PRKCA: variants seen among roughly 807,000 people sequenced by gnomAD.
PRKCA encodes the protein protein kinase C alpha type.
A neutral mutation model predicts 87.0 loss-of-function variants in PRKCA; 27 were observed. The ratio of observed to expected loss-of-function variants is 0.31; its 90% confidence interval spans 0.23 to 0.43. The LOEUF is 0.43. Among genes scored for constraint, PRKCA ranks in the 20% least tolerant of loss-of-function variants. PRKCA has a pLI of 1.00. For missense variants in PRKCA, 518 were observed against 852.3 expected, an observed-to-expected ratio of 0.61 and a Z score of 4.88; for synonymous variants, 329 against 311.1, an observed-to-expected ratio of 1.06 and a Z score of -0.61.
intron 3 of PRKCA, among the ~76,000 whole-genome samples, chr17:66,543,049 G>A (rs947980929): frequency 2.0e-5 from 3 of 152,172 alleles, no homozygotes; most frequent in African/African-American, 7.2e-5. Context: ...AATTTCCAAA[G>A]CTATGCACTT....
intron 13 of PRKCA, among the ~76,000 whole-genome samples, chr17:66,753,824 A>G (rs1974488415): frequency 6.6e-6 from 1 of 152,148 alleles, no homozygotes; most frequent in African/African-American, 2.4e-5. Context: ...GGCAGCCAGC[A>G]CGGCACCAAG....
chr17:66,710,758 G>A (rs937295223), intron 8 of PRKCA, among the ~76,000 whole-genome samples: 4 of 151,930 alleles, frequency 2.6e-5, no homozygotes, highest in Admixed American at 2.0e-4. Context: ...TGCTGGGCAC[G>A]GTGGCTCACA....
At chr17:66,486,198 TTTG>T (rs1408860704) in intron 2 of PRKCA, among the ~76,000 whole-genome samples, 9 of 152,240 alleles carry the variant, frequency 5.9e-5, no homozygotes, top group African/African-American at 9.6e-5. Context: ...CTTTAAGAGT[TTTG>T]TTGTTGTTGT....
chr17:66,801,569 A>G (rs985169575), intron 16 of PRKCA, among the ~76,000 whole-genome samples: 2 of 152,128 alleles, frequency 1.3e-5, no homozygotes, highest in Non-Finnish European at 2.9e-5. Context: ...GCCCTTATTT[A>G]TTTTTCAAAG....
intron 2 of PRKCA, among the ~76,000 whole-genome samples, chr17:66,450,629 G>A (rs1914259534): frequency 6.6e-6 from 1 of 152,264 alleles, no homozygotes; most frequent in South Asian, 2.1e-4. Flanking sequence ...TTCTCTTGTG[G>A]ATTAGTTATT....
intron 2 of PRKCA, among the ~76,000 whole-genome samples, chr17:66,399,430 T>G (rs747536190): frequency 1.1e-4 from 16 of 152,192 alleles, no homozygotes; most frequent in Admixed American, 2.0e-4. Context: ...AAAATTTCAA[T>G]CTGCAGTTTT....
At chr17:66,574,849 T>G (rs1052194107) in intron 3 of PRKCA, among the ~76,000 whole-genome samples, 2 of 152,138 alleles carry the variant, frequency 1.3e-5, no homozygotes, top group Non-Finnish European at 2.9e-5. Flanking sequence ...TTAGGCACAG[T>G]AAGAGATTAA....
intron 2 of PRKCA, among the ~76,000 whole-genome samples, chr17:66,445,018 C>T (rs958681286): frequency 6.6e-6 from 1 of 152,260 alleles, no homozygotes; most frequent in East Asian, 1.9e-4. Context: ...CACATAGGTA[C>T]TGGATGGAGT....
chr17:66,769,648 A>G (rs1053044096), intron 13 of PRKCA, among the ~76,000 whole-genome samples: 3 of 152,178 alleles, frequency 2.0e-5, no homozygotes, highest in African/African-American at 7.2e-5. Context: ...CTTTAATTTT[A>G]TAATTTGCAG....
At chr17:66,369,796 T>C (rs1908987594) in intron 2 of PRKCA, among the ~76,000 whole-genome samples, 1 of 152,210 alleles carries the variant, frequency 6.6e-6, no homozygotes, top group Admixed American at 6.5e-5. Flanking sequence ...CCAGGTGTCC[T>C]CTGCCTCTGT....
At chr17:66,572,683 G>A (rs550653004) in intron 3 of PRKCA, among the ~76,000 whole-genome samples, 1 of 152,184 alleles carries the variant, frequency 6.6e-6, no homozygotes, top group East Asian at 1.9e-4. Context: ...TTTTTGTAGA[G>A]ATGGGCTCTT....
chr17:66,518,193 G>A (rs1598736584), intron 3 of PRKCA, among the ~76,000 whole-genome samples: 2 of 152,260 alleles, frequency 1.3e-5, no homozygotes, highest in South Asian at 2.1e-4. Context: ...GCATTGTTTG[G>A]TGTTTCATTT....
chr17:66,772,251 G>A (rs1441943245), intron 13 of PRKCA, among the ~76,000 whole-genome samples: 1 of 152,080 alleles, frequency 6.6e-6, no homozygotes, highest in African/African-American at 2.4e-5. Context: ...CAGAACAAAG[G>A]TTGTAAAAGA....
intron 2 of PRKCA, among the ~76,000 whole-genome samples, chr17:66,390,792 G>A (rs1026543048): frequency 1.3e-5 from 2 of 152,208 alleles, no homozygotes; most frequent in African/African-American, 4.8e-5. Flanking sequence ...TCCCTATGGG[G>A]TGAGCAGCCA....
chr17:66,650,726 CT>C (rs925849788), intron 5 of PRKCA, among the ~76,000 whole-genome samples: 39 of 152,240 alleles, frequency 2.6e-4, no homozygotes, highest in Non-Finnish European at 4.3e-4. Flanking sequence ...TCTGTCACCC[CT>C]GCAGATATGG....
At chr17:66,666,955 A>G (rs764745096) in intron 5 of PRKCA, among the ~76,000 whole-genome samples, 1 of 152,190 alleles carries the variant, frequency 6.6e-6, no homozygotes, top group African/African-American at 2.4e-5. Context: ...AGGCATAATC[A>G]TGTGCTATGA....
chr17:66,347,064 AG>A (rs2143396205), intron 2 of PRKCA, among the ~76,000 whole-genome samples: 2 of 152,032 alleles, frequency 1.3e-5, no homozygotes, highest in African/African-American at 4.8e-5. Context: ...GACTCTAAAG[AG>A]TTTTATTTAC....
At chr17:66,471,608 T>A (rs1373911638) in intron 2 of PRKCA, among the ~76,000 whole-genome samples, 1 of 151,956 alleles carries the variant, frequency 6.6e-6, no homozygotes, top group Non-Finnish European at 1.5e-5. Flanking sequence ...AACAGGTGAG[T>A]CTGACTAATT....
chr17:66,512,662 C>T (rs998303508), intron 3 of PRKCA, among the ~76,000 whole-genome samples: 6 of 152,018 alleles, frequency 3.9e-5, no homozygotes, highest in Admixed American at 6.6e-5. Flanking sequence ...TTTCAGACTC[C>T]GCTGAAATAC....
Sources: gnomAD v4.1 joint callset for allele counts (sites outside exome capture counted in the v4.1 genomes callset) on GRCh38, gnomAD v4.1.1 for gene constraint, MANE v1.5 for transcripts, NCBI Gene and HGNC (gene_info 2026-07-23, HGNC 2026-07-21) for gene names.